Variants in JARID2 observed in about 807,000 individuals in gnomAD.
The protein encoded by JARID2 is jumonji and AT-rich interaction domain containing 2, also known as protein Jumonji.
Under a neutral mutation model 125.6 loss-of-function variants are expected in JARID2, and 21 were observed. The ratio of observed to expected loss-of-function variants is 0.17; its 90% CI spans 0.12 to 0.24. The LOEUF (loss-of-function observed/expected upper bound fraction) is 0.24, where lower values mean the gene tolerates loss of function less well. JARID2 is among the 10% of genes least tolerant of loss of function. The pLI, the probability that JARID2 is intolerant of heterozygous loss-of-function variation, is 1.00. For synonymous variants in JARID2, 736 were observed against 661.6 expected (o/e 1.11, Z -1.73); for missense variants, 1,303 against 1,639.6 (o/e 0.79, Z 3.55).
intron 6 of JARID2, among the ~76,000 whole-genome samples, chr6:15,492,907 A>G (rs1048968242): frequency 2.0e-5 from 3 of 152,174 alleles, no homozygotes; most frequent in East Asian, 3.8e-4. Context: ...GATAACTCCT[A>G]TAATAAGAAG....
At chr6:15,472,256 C>T (rs1272096516) in intron 5 of JARID2, among the ~76,000 whole-genome samples, 1 of 151,950 alleles carries the variant, frequency 6.6e-6, no homozygotes, top group East Asian at 1.9e-4. Context: ...CTTGCTGTCC[C>T]TCTTCCGCCC....
intron 1 of JARID2, among the ~76,000 whole-genome samples, chr6:15,299,708 T>A (rs984565871): frequency 2.6e-5 from 4 of 152,146 alleles, no homozygotes; most frequent in Admixed American, 6.5e-5. Flanking sequence ...TGGTTCTCAG[T>A]GGCAGTTCGC....
chr6:15,317,827 C>T lies in JARID2; in HGVS notation c.46-56290C>T, dbSNP rs191503696. Among the ~76,000 whole-genome samples the T allele has an allele frequency of 4.2e-3, 637 of 152,236 alleles. 2 individuals carry two copies. The highest frequency in any genetic ancestry group is 0.024 in the Middle Eastern group (7 of 294). On this transcript the variant is annotated intron_variant, in intron 1 of 17. Coordinates refer to ENST00000341776, the MANE Select transcript of JARID2 (RefSeq NM_004973.4). ...TGCACACAGCTGGCGCGTGGAGAGC[C>T]GATCCCTCCAGGGTTTGTTTCTTTA...
At chr6:15,468,997 G>A (rs1167324030) in intron 5 of JARID2, among the ~76,000 whole-genome samples, 4 of 152,104 alleles carry the variant, frequency 2.6e-5, no homozygotes, top group Non-Finnish European at 5.9e-5. Context: ...AGATCTACAT[G>A]GGGATGGTCA....
In JARID2 at chr6:15,462,709, A is replaced by G. The variant is rs114720385; in HGVS notation, c.494-5833A>G. Among the ~76,000 whole-genome samples, 779 of 152,368 alleles carry G rather than the reference A, an allele frequency of 5.1e-3. 9 individuals carry two copies. Among genetic ancestry groups the G allele is most frequent in the African/African-American group, 0.018 (734 of 41,590 alleles). Reference sequence around the variant, plus strand: ...ACTCTGCAGCTAAATGACAGTGCACAGGGAATCCCTCTAGGGTCTTTCCAA... The same window carrying G: ...ACTCTGCAGCTAAATGACAGTGCACGGGGAATCCCTCTAGGGTCTTTCCAA... On this transcript the variant is annotated intron_variant, in intron 4 of 17. Coordinates refer to ENST00000341776, the MANE Select transcript of JARID2 (RefSeq NM_004973.4).
intron 3 of JARID2, among the ~76,000 whole-genome samples, chr6:15,423,934 C>T (rs930827639): frequency 6.6e-6 from 1 of 152,152 alleles, no homozygotes; most frequent in Non-Finnish European, 1.5e-5. Context: ...TTCCCCAAGA[C>T]ACCTCCTCTC....
intron 1 of JARID2, among the ~76,000 whole-genome samples, chr6:15,282,011 A>G (rs2127377584): frequency 6.6e-6 from 1 of 151,590 alleles, no homozygotes; most frequent in African/African-American, 2.4e-5. Flanking sequence ...GTGCAGTGGC[A>G]TGATCTCAGC....
chr6:15,394,775 C>CA (rs1044685917), intron 2 of JARID2, among the ~76,000 whole-genome samples: 9 of 152,262 alleles, frequency 5.9e-5, no homozygotes, highest in African/African-American at 2.2e-4. Context: ...ACAGCATGTG[C>CA]AAAGGCCTCA....
chr6:15,413,089 G>A (rs1765976484), intron 3 of JARID2, among the ~76,000 whole-genome samples: 1 of 133,904 alleles, frequency 7.5e-6, no homozygotes. Context: ...GTGCGATCTC[G>A]GCTCACCGCA....
chr6:15,357,116 A>T (rs1167647771), intron 1 of JARID2, among the ~76,000 whole-genome samples: 2 of 152,232 alleles, frequency 1.3e-5, no homozygotes, highest in Non-Finnish European at 2.9e-5. Context: ...GACCATCTCT[A>T]GGGAACGAAG....
At chr6:15,416,371 A>C (rs1374730384) in intron 3 of JARID2, among the ~76,000 whole-genome samples, 1 of 152,186 alleles carries the variant, frequency 6.6e-6, no homozygotes, top group African/African-American at 2.4e-5. Flanking sequence ...AGCCGAGATC[A>C]CGCCACTGCA....
Position 15,513,355 on chromosome 6 carries a change from A to C in JARID2, c.3383A>C (p.Lys1128Thr). ...TVADGKKKPR[K>T]WLQLETSERR... ...GCGGACGGGAAGAAAAAGCCTCGAAAGTGGCTGCAGTTGGAGACGTCAGAG... is the reference window on the plus strand; with the variant it reads ...GCGGACGGGAAGAAAAAGCCTCGAACGTGGCTGCAGTTGGAGACGTCAGAG... Residue 1128 changes from lysine to threonine, a missense_variant, in exon 16 of 18, where the codon AAG (lysine) becomes ACG (threonine). Physicochemically the swap from Lys to Thr is moderately conservative, Grantham distance 78. Transcript: ENST00000341776. 1.2e-6 allele frequency: 2 copies of C among 1,613,488 alleles called. No individual in the cohort carries two copies. The highest frequency in any genetic ancestry group is 1.7e-6 in the Non-Finnish European group (2 of 1,179,856).
Position 15,501,112 on chromosome 6 carries a change from G to A in JARID2, c.2151G>A (p.Arg717=), listed in dbSNP as rs758728839. 1.9e-6 allele frequency: 3 copies of A among 1,614,142 alleles called. No individual in the cohort carries two copies. Among genetic ancestry groups the A allele is most frequent in the Non-Finnish European group, 2.5e-6 (3 of 1,179,990 alleles). ...SYDSLSPEEH[R]RLEKEVLMEK... is the part of the protein sequence containing the mutation. ...ACTCCCTGTCCCCAGAGGAGCACCG[G>A]CGGCTGGAGAAGGAGGTGCTGATGG... The change falls in exon 8 of 18, where the codon CGG becomes CGA. Residue 717 remains arginine, a synonymous_variant. Coordinates refer to ENST00000341776, the MANE Select transcript of JARID2 (RefSeq NM_004973.4).
chr6:15,284,435 G>T (rs1177919720), intron 1 of JARID2, among the ~76,000 whole-genome samples: 1 of 151,872 alleles, frequency 6.6e-6, no homozygotes, highest in African/African-American at 2.4e-5. Flanking sequence ...ACAGCTCTGG[G>T]CTATACTCCA....
At chr6:15,300,679 C>A (rs1347442867) in intron 1 of JARID2, among the ~76,000 whole-genome samples, 1 of 123,942 alleles carries the variant, frequency 8.1e-6, no homozygotes, top group Non-Finnish European at 1.8e-5. Flanking sequence ...CCAGTGTCCT[C>A]ATGTTGTGTG....
At chr6:15,342,146 A>G (rs940499153) in intron 1 of JARID2, among the ~76,000 whole-genome samples, 2 of 152,220 alleles carry the variant, frequency 1.3e-5, no homozygotes, top group Non-Finnish European at 2.9e-5. Context: ...AGCATTGCAC[A>G]TGCTCAGTCT....
intron 1 of JARID2, among the ~76,000 whole-genome samples, chr6:15,247,219 GAC>G (rs1311984404): frequency 3.3e-5 from 5 of 152,152 alleles, no homozygotes; most frequent in African/African-American, 1.2e-4. Flanking sequence ...AGGGGAAAAG[GAC>G]ACACACTATG....
At chr6:15,458,156 T>C (rs1216914840) in intron 4 of JARID2, among the ~76,000 whole-genome samples, 1 of 152,228 alleles carries the variant, frequency 6.6e-6, no homozygotes, top group African/African-American at 2.4e-5. Context: ...GTCACCACTC[T>C]GGTTATTCTT....
At chr6:15,282,212 A>G (rs1382444250) in intron 1 of JARID2, among the ~76,000 whole-genome samples, 2 of 151,874 alleles carry the variant, frequency 1.3e-5, no homozygotes, top group Non-Finnish European at 2.9e-5. Flanking sequence ...CAAAGTGCTG[A>G]GATTACAGGC....
Sources: allele counts gnomAD v4.1 joint callset (sites outside exome capture counted in the v4.1 genomes callset), GRCh38; gene constraint gnomAD v4.1.1; transcripts MANE v1.5; gene names NCBI Gene and HGNC (gene_info 2026-07-23, HGNC 2026-07-21).